Variants in STIM1 observed in about 807,000 individuals in gnomAD.
STIM1 encodes the protein stromal interaction molecule 1.
A neutral mutation model predicts 74.7 loss-of-function variants in STIM1; 25 were observed. The ratio of observed to expected loss-of-function variants is 0.33; its 90% CI spans 0.24 to 0.47. STIM1 has a LOEUF of 0.47. STIM1 is among the 20% of genes least tolerant of loss of function. The pLI is 1.00. For missense variants in STIM1, 728 were observed against 920.8 expected (o/e 0.79, Z 2.71); for synonymous variants, 328 against 348.8 (o/e 0.94, Z 0.66).
rs56009858 is a variant in STIM1 at position 4,073,048 on chromosome 11, GTT to G, written c.792-1433_792-1432del. Among the ~76,000 whole-genome samples, 566 of 82,800 alleles carry G rather than the reference GTT, an allele frequency of 6.8e-3. 6 individuals carry two copies. Among genetic ancestry groups the G allele is most frequent in the African/African-American group, 0.023 (544 of 23,588 alleles). 54.3% of individuals were successfully genotyped at this position (82,800 alleles called of 152,430 possible). On this transcript the variant is annotated intron_variant, in intron 6 of 12. Coordinates refer to ENST00000526596, the MANE Select transcript of STIM1 (RefSeq NM_001382567.1). ...GCCACTGATAGCTCTGGACTTAGAG[GTT>G]TTTTTTTTTTTTTTTTTTTTACAGA...
intron 2 of STIM1, among the ~76,000 whole-genome samples, chr11:4,021,822 T>C (rs1229966136): frequency 6.6e-6 from 1 of 152,236 alleles, no homozygotes; most frequent in African/African-American, 2.4e-5. Context: ...GTACATAGGG[T>C]ATCTTTCCAT....
intron 6 of STIM1, among the ~76,000 whole-genome samples, chr11:4,073,138 C>T (rs1429806095): frequency 1.4e-5 from 2 of 139,408 alleles, no homozygotes; most frequent in South Asian, 2.4e-4. Flanking sequence ...AGGGGTCCTT[C>T]TTGTTCTGTA....
In STIM1 at chr11:3,856,196, C is replaced by T; in HGVS notation, c.-75C>T. On this transcript the variant is annotated 5_prime_UTR_variant, in exon 1 of 13. Transcript: ENST00000526596. ...TCTTGCCTGGAGACCGTCGGCTGCA[C>T]TCCCGGGCTCCTGGCTTTGCCTCTG... 1 of 1,603,986 alleles carries T rather than the reference C, an allele frequency of 6.2e-7. No homozygotes were observed. The highest frequency in any genetic ancestry group is 8.5e-7 in the Non-Finnish European group (1 of 1,173,848).
intron 1 of STIM1, among the ~76,000 whole-genome samples, chr11:3,963,411 C>T (rs1315803974): frequency 6.6e-6 from 1 of 152,166 alleles, no homozygotes; most frequent in African/African-American, 2.4e-5. Flanking sequence ...CTGCAAAGGA[C>T]ATGATCTCGT....
At chr11:3,902,466 T>A (rs2092373773) in intron 1 of STIM1, among the ~76,000 whole-genome samples, 1 of 152,210 alleles carries the variant, frequency 6.6e-6, no homozygotes, top group Non-Finnish European at 1.5e-5. Context: ...GGGATGAAAC[T>A]GTTTCACTTC....
intron 1 of STIM1, among the ~76,000 whole-genome samples, chr11:3,918,528 TGTCTC>T: frequency 1.4e-5 from 1 of 71,200 alleles, no homozygotes; most frequent in Non-Finnish European, 2.6e-5. Context: ...AGTCAGACAC[TGTCTC>T]AAAAAAAAAA....
In STIM1 at chr11:4,053,047, G is replaced by C. The variant is rs569443674; in HGVS notation, c.386-2479G>C. On this transcript the variant is annotated intron_variant, in intron 3 of 12. Coordinates refer to ENST00000526596, the MANE Select transcript of STIM1 (RefSeq NM_001382567.1). ...CGCAATGAGATACCATCTCACACCA[G>C]TTAGAATGGTGATCATTAAAAAGTC... is the stretch of plus-strand genomic sequence containing the variant. Among the ~76,000 whole-genome samples the C allele has an allele frequency of 1.7e-3, 262 of 152,330 alleles. 10 individuals are homozygous for C. The South Asian group carries it at 0.053, about 31-fold the overall frequency.
intron 7 of STIM1, among the ~76,000 whole-genome samples, chr11:4,079,326 C>G (rs2094452965): frequency 6.6e-6 from 1 of 150,532 alleles, no homozygotes; most frequent in Non-Finnish European, 1.5e-5. Flanking sequence ...GTAATCCCAG[C>G]ACTTTGGGAG....
intron 1 of STIM1, among the ~76,000 whole-genome samples, chr11:3,925,187 T>G (rs2092772433): frequency 1.3e-5 from 2 of 152,126 alleles, no homozygotes; most frequent in African/African-American, 4.8e-5. Context: ...ACAAGGTCAA[T>G]AGATCGAAAC....
intron 3 of STIM1, among the ~76,000 whole-genome samples, chr11:4,030,325 T>TG (rs2094038762): frequency 4.3e-5 from 3 of 69,728 alleles, no homozygotes; most frequent in Non-Finnish European, 7.3e-5. Context: ...AAACTCCATC[T>TG]CAAAAAAAAA....
intron 4 of STIM1, among the ~76,000 whole-genome samples, chr11:4,056,218 C>A (rs2094288974): frequency 6.6e-6 from 1 of 152,184 alleles, no homozygotes; most frequent in African/African-American, 2.4e-5. Flanking sequence ...GGCTGATTGC[C>A]ATTGGCCCCA....
At chr11:3,899,464 A>G (rs1352758890) in intron 1 of STIM1, among the ~76,000 whole-genome samples, 1 of 152,144 alleles carries the variant, frequency 6.6e-6, no homozygotes, top group Non-Finnish European at 1.5e-5. Context: ...ATCTGCAAAC[A>G]GGGACAATTT....
At chr11:4,000,670 G>T (rs1257528583) in intron 2 of STIM1, among the ~76,000 whole-genome samples, 1 of 152,192 alleles carries the variant, frequency 6.6e-6, no homozygotes, top group African/African-American at 2.4e-5. Flanking sequence ...ACTCTAAAAA[G>T]CAGAGCGCCT....
At chr11:4,083,005 T>C in intron 9 of STIM1, 23 bp downstream of exon 9, 3 of 1,589,994 alleles carry the variant, frequency 1.9e-6, no homozygotes, top group Non-Finnish European at 2.6e-6. Flanking sequence ...AGTTATCTAC[T>C]CTGGCAATGT....
chr11:4,081,529 T>C (rs556857750), intron 7 of STIM1, among the ~76,000 whole-genome samples: 6 of 152,360 alleles, frequency 3.9e-5, no homozygotes, highest in African/African-American at 1.4e-4. Flanking sequence ...GAGAAGACTT[T>C]GGAGAGCATT....
At chr11:3,872,245 G>A (rs935665224) in intron 1 of STIM1, among the ~76,000 whole-genome samples, 2 of 151,946 alleles carry the variant, frequency 1.3e-5, no homozygotes, top group Non-Finnish European at 2.9e-5. Context: ...TAGAGACAGG[G>A]TTTCACCATG....
Position 4,059,544 on chromosome 11 carries a change from G to A in STIM1, c.613+148G>A, listed in dbSNP as rs1191694873. On this transcript the variant is annotated intron_variant, in intron 5 of 12. Coordinates refer to ENST00000526596, the MANE Select transcript of STIM1 (RefSeq NM_001382567.1). ...TCCACTGGTATTAAGGTATGAAAGA[G>A]TCTTACATTTTAGTCCAGACACGTA... 7.5e-6 allele frequency: 5 copies of A among 665,070 alleles called. No individual in the cohort carries two copies. The East Asian group carries it at 1.4e-4, about 18-fold the overall frequency. The allele number at this position is 665,070 out of a possible 1,614,324, so 41.2% of individuals were successfully genotyped here.
chr11:3,953,158 TTC>T (rs1341318422), intron 1 of STIM1, among the ~76,000 whole-genome samples: 1 of 152,234 alleles, frequency 6.6e-6, no homozygotes, highest in Non-Finnish European at 1.5e-5. Context: ...CAGAAGCATA[TTC>T]TTTTTCCCTT....
At chr11:3,944,169 G>A (rs112398769) in intron 1 of STIM1, among the ~76,000 whole-genome samples, 6 of 152,322 alleles carry the variant, frequency 3.9e-5, no homozygotes, top group African/African-American at 1.2e-4. Flanking sequence ...CCTTAGGCTG[G>A]GGCCAAATTC....
Sources: gnomAD v4.1 joint callset for allele counts (sites outside exome capture counted in the v4.1 genomes callset) on GRCh38, gnomAD v4.1.1 for gene constraint, MANE v1.5 for transcripts, NCBI Gene and HGNC (gene_info 2026-07-23, HGNC 2026-07-21) for gene names.